The following CFAP299 variants were observed in gnomAD, a reference collection of about 807,000 sequenced individuals.
The protein encoded by CFAP299 is cilia and flagella associated protein 299.
Under a neutral mutation model 27.0 loss-of-function variants are expected in CFAP299, and 21 were observed. That is an observed-to-expected ratio of 0.78 (90% CI 0.55 to 1.12). The LOEUF (loss-of-function observed/expected upper bound fraction) is 1.12, where lower values mean the gene tolerates loss of function less well. CFAP299 is among the 50% of genes most tolerant of loss of function. CFAP299 has a pLI of 0.00. For synonymous variants in CFAP299, 104 were observed against 98.1 expected (o/e 1.06, Z -0.36); for missense variants, 310 against 276.6 (o/e 1.12, Z -0.86).
At chr4:80,604,835 G>T (rs953889589) in intron 3 of CFAP299, among the ~76,000 whole-genome samples, 8 of 149,662 alleles carry the variant, frequency 5.3e-5, no homozygotes, top group Non-Finnish European at 1.0e-4. Context: ...ACGCAGGATG[G>T]ATAGATATTA....
At chr4:80,801,038 C>G (rs1454547445) in intron 3 of CFAP299, among the ~76,000 whole-genome samples, 4 of 151,568 alleles carry the variant, frequency 2.6e-5, no homozygotes, top group African/African-American at 9.7e-5. Flanking sequence ...TTGTGCCCAC[C>G]CAGATTAAGG....
chr4:80,451,188 C>G (rs75257872), intron 2 of CFAP299, among the ~76,000 whole-genome samples: 1 of 152,124 alleles, frequency 6.6e-6, no homozygotes, highest in African/African-American at 2.4e-5. Context: ...CTCACTGGCT[C>G]GCAGATGGAT....
intron 3 of CFAP299, among the ~76,000 whole-genome samples, chr4:80,825,614 A>G (rs956254382): frequency 6.6e-6 from 1 of 152,008 alleles, no homozygotes; most frequent in African/African-American, 2.4e-5. Flanking sequence ...TCAAATAAAA[A>G]AAAAGTCAAC....
At chr4:80,485,911 A>G (rs1459002318) in intron 2 of CFAP299, among the ~76,000 whole-genome samples, 1 of 152,148 alleles carries the variant, frequency 6.6e-6, no homozygotes, top group Non-Finnish European at 1.5e-5. Context: ...ATGAAGCATT[A>G]TAGTCCATGT....
In CFAP299 at chr4:80,739,541, A is replaced by G. The variant is rs116824909; in HGVS notation, c.334-130452A>G. 9.0e-3 allele frequency among the ~76,000 whole-genome samples: 1,368 copies of G among 152,068 alleles called. 21 individuals are homozygous for G. The highest frequency in any genetic ancestry group is 0.03 in the African/African-American group (1,258 of 41,494). On this transcript the variant is annotated intron_variant, in intron 3 of 5. Transcript: ENST00000358105. ...TTGGCCTGTAAGGTTTCCACTGAAA[A>G]GTGTGCTGCCAGACATATTAAAGTT...
chr4:80,836,805 G>T (rs187349132), intron 3 of CFAP299, among the ~76,000 whole-genome samples: 4 of 152,028 alleles, frequency 2.6e-5, no homozygotes, highest in Admixed American at 1.3e-4. Context: ...TGATGATCTA[G>T]GAGATTTTAA....
chr4:80,451,009 A>T (rs927655659), intron 2 of CFAP299, among the ~76,000 whole-genome samples: 5 of 151,996 alleles, frequency 3.3e-5, no homozygotes, highest in Non-Finnish European at 5.9e-5. Context: ...CTATGATCAC[A>T]TTCAGGTAAT....
At chr4:80,529,921 A>G (rs945508983) in intron 2 of CFAP299, among the ~76,000 whole-genome samples, 1 of 152,196 alleles carries the variant, frequency 6.6e-6, no homozygotes, top group Admixed American at 6.5e-5. Context: ...TCCATTTTGT[A>G]ATATGGTACA....
chr4:80,390,720 C>CATATGTATATATGTATATATGTATAT, intron 2 of CFAP299, among the ~76,000 whole-genome samples: 1 of 138,168 alleles, frequency 7.2e-6, no homozygotes, highest in South Asian at 2.2e-4. Flanking sequence ...TGTATACACA[C>CATATGTATATATGTATATATGTATAT]ATACATGTAT....
chr4:80,665,807 G>A (rs886079824), intron 3 of CFAP299, among the ~76,000 whole-genome samples: 1 of 152,058 alleles, frequency 6.6e-6, no homozygotes, highest in Non-Finnish European at 1.5e-5. Context: ...CAGTACAATC[G>A]CCTTGGTACT....
chr4:80,682,877 A>C (rs1203489213), intron 3 of CFAP299, among the ~76,000 whole-genome samples: 1 of 152,156 alleles, frequency 6.6e-6, no homozygotes, highest in Non-Finnish European at 1.5e-5. Context: ...ACCTCCAGTG[A>C]CATCATCCTG....
intron 2 of CFAP299, among the ~76,000 whole-genome samples, chr4:80,506,886 GA>G (rs974814636): frequency 6.6e-6 from 1 of 151,990 alleles, no homozygotes; most frequent in Non-Finnish European, 1.5e-5. Flanking sequence ...TATGAATAAA[GA>G]AAACAAAAAA....
At chr4:80,413,505 A>C (rs927733603) in intron 2 of CFAP299, among the ~76,000 whole-genome samples, 1 of 152,170 alleles carries the variant, frequency 6.6e-6, no homozygotes, top group African/African-American at 2.4e-5. Context: ...GCTTAGACTT[A>C]CTCTACTTGA....
intron 2 of CFAP299, among the ~76,000 whole-genome samples, chr4:80,395,693 G>A (rs976941012): frequency 1.2e-4 from 19 of 152,218 alleles, no homozygotes; most frequent in African/African-American, 3.9e-4. Context: ...ATTTAAAAAT[G>A]GGATGATGTA....
chr4:80,703,208 T>C (rs980314508), intron 3 of CFAP299, among the ~76,000 whole-genome samples: 9 of 151,818 alleles, frequency 5.9e-5, no homozygotes, highest in Middle Eastern at 3.2e-3. Context: ...CTGGATCTGC[T>C]GACCCAACTA....
At chr4:80,518,201 G>C (rs941451811) in intron 2 of CFAP299, among the ~76,000 whole-genome samples, 10 of 152,174 alleles carry the variant, frequency 6.6e-5, no homozygotes, top group African/African-American at 2.2e-4. Flanking sequence ...TTAGCAATTG[G>C]TGTACAGGAA....
chr4:80,929,146 C>A (rs911377662), intron 4 of CFAP299, among the ~76,000 whole-genome samples: 1 of 152,178 alleles, frequency 6.6e-6, no homozygotes, highest in South Asian at 2.1e-4. Flanking sequence ...CCCATCCAGT[C>A]TCTATGGCAA....
intron 4 of CFAP299, among the ~76,000 whole-genome samples, chr4:80,899,814 T>C (rs897487935): frequency 7.2e-5 from 11 of 152,188 alleles, no homozygotes; most frequent in Admixed American, 1.3e-4. Flanking sequence ...GCCTCATTTG[T>C]CCCACCAGTA....
intron 4 of CFAP299, among the ~76,000 whole-genome samples, chr4:80,899,352 G>T (rs966187888): frequency 4.6e-5 from 7 of 152,152 alleles, no homozygotes; most frequent in African/African-American, 1.7e-4. Flanking sequence ...AAATCCTTGG[G>T]AAAGAATGCA....
Sources: gnomAD v4.1 joint callset for allele counts (sites outside exome capture counted in the v4.1 genomes callset) on GRCh38, gnomAD v4.1.1 for gene constraint, MANE v1.5 for transcripts, NCBI Gene and HGNC (gene_info 2026-07-23, HGNC 2026-07-21) for gene names.